Variants in UPK2 observed in about 807,000 individuals in gnomAD.
UPK2 encodes uroplakin-2.
A neutral mutation model predicts 14.8 loss-of-function variants in UPK2; 19 were observed. The ratio of observed to expected loss-of-function variants is 1.29; its 90% confidence interval spans 0.90 to 1.89. The LOEUF is 1.89. Among genes scored for constraint, UPK2 ranks in the 40% most tolerant of loss-of-function variants. UPK2 has a pLI of 0.00. For synonymous variants in UPK2, 102 were observed against 101.6 expected (o/e 1.00, Z -0.02); for missense variants, 232 against 236.0 (o/e 0.98, Z 0.11).
Position 118,957,001 on chromosome 11 carries a change from C to T in UPK2, c.195C>T (p.Ala65=). The change falls in exon 2 of 5, where the codon GCC becomes GCT. Residue 65 remains alanine, a synonymous_variant. Transcript: ENST00000264031. ...GGNATLMVRR[A]NDSKVVTSSF... ...ATGCCACACTGATGGTCCGGAGAGC[C>T]AATGACAGCAAAGGTCTGCTACCTT... The T allele has an allele frequency of 6.2e-7, 1 of 1,613,966 alleles. No homozygotes were observed. Among genetic ancestry groups the T allele is most frequent in the Admixed American group, 1.7e-5 (1 of 60,006 alleles).
In UPK2 at chr11:118,956,857, C is replaced by T. The variant is rs759381998; in HGVS notation, c.77-26C>T. 5.6e-6 allele frequency: 9 copies of T among 1,613,172 alleles called. No individual in the cohort carries two copies. The East Asian group carries it at 6.7e-5, about 12-fold the overall frequency. ...TTGGCCAGGAGGGGTCAGTCCCCAT[C>T]GGAGCTCCCTCCTGCCTCCCATCAG... On this transcript the variant is annotated intron_variant, in intron 1 of 4. Coordinates refer to ENST00000264031, the MANE Select transcript of UPK2 (RefSeq NM_006760.4). This position sits in a 1 kb window ranked among gnomAD's most constrained non-coding sequence, Gnocchi z 4.1.
Position 118,958,211 on chromosome 11 carries a change from T to C in UPK2, c.533T>C (p.Leu178Pro). ...CTGGTGCTGGGCTTCATCATTGCCC[T>C]GGCACTGGGCTCCCGCAAGTAAGGA... Reference protein sequence around the residue: ...FLLVLGFIIALALGSRK With the variant: ...FLLVLGFIIAPALGSRK The change falls in exon 5 of 5, where the codon CTG becomes CCG. Residue 178 changes from leucine to proline, a missense_variant. Leu to Pro is a moderately conservative substitution (Grantham distance 98). Transcript: ENST00000264031. The surrounding 1 kb of genome is among the most constrained non-coding windows in gnomAD (Gnocchi z 4.6). 6.2e-7 allele frequency: 1 copy of C among 1,613,752 alleles called. No individual in the cohort carries two copies. Among genetic ancestry groups the C allele is most frequent in the Admixed American group, 1.7e-5 (1 of 59,994 alleles).
Position 118,957,886 on chromosome 11 carries a change from G to A in UPK2, c.419-211G>A, listed in dbSNP as rs543161560. Among the ~76,000 whole-genome samples, 45 of 152,302 alleles carry A rather than the reference G, an allele frequency of 3.0e-4. 3 individuals carry two copies. The South Asian group carries it at 8.9e-3, about 30-fold the overall frequency. ...ACTGTGTCCTCTTAACTTTTCCTCAGCGGCTGACATAGGAGATGCTTCATA... is the reference window on the plus strand; with the variant it reads ...ACTGTGTCCTCTTAACTTTTCCTCAACGGCTGACATAGGAGATGCTTCATA... On this transcript the variant is annotated intron_variant, in intron 4 of 4. Coordinates refer to ENST00000264031, the MANE Select transcript of UPK2 (RefSeq NM_006760.4).
At position 118,958,095 on chromosome 11, in the gene UPK2, A is replaced by G; in HGVS notation, c.419-2A>G. The G allele has an allele frequency of 6.2e-7, 1 of 1,610,470 alleles. No individual in the cohort carries two copies. The highest frequency in any genetic ancestry group is 1.1e-5 in the South Asian group (1 of 90,918). On this transcript the variant is annotated splice_acceptor_variant, in intron 4 of 4. Transcript: ENST00000264031. LOFTEE classifies it high-confidence loss of function. The surrounding 1 kb of genome is among the most constrained non-coding windows in gnomAD (Gnocchi z 4.6). ...ACAGTGGTCTCCCCTCTCTTTTGAC[A>G]GGAAGGAACATGGAATCCATTGGGC... is the stretch of plus-strand genomic sequence containing the variant.
In UPK2 at chr11:118,956,981, A is replaced by G. The variant is rs1565640737; in HGVS notation, c.175A>G (p.Thr59Ala). Residue 59 changes from threonine to alanine, a missense_variant, in exon 2 of 5, where the codon ACA becomes GCA. Transcript: ENST00000264031. The surrounding 1 kb of genome is among the most constrained non-coding windows in gnomAD (Gnocchi z 4.1). ...CTGTCACCTCACAGGAGGCAATGCC[A>G]CACTGATGGTCCGGAGAGCCAATGA... ...PPCHLTGGNATLMVRRANDSK... is the reference protein window; with the variant it reads ...PPCHLTGGNAALMVRRANDSK... The G allele has an allele frequency of 8.1e-6, 13 of 1,614,106 alleles. No homozygotes were observed. Among genetic ancestry groups the G allele is most frequent in the Non-Finnish European group, 1.1e-5 (13 of 1,179,996 alleles).
At position 118,958,363 on chromosome 11, in the gene UPK2, C is replaced by G. The variant is rs1360706201; in HGVS notation, c.*130C>G. On this transcript the variant is annotated 3_prime_UTR_variant, in exon 5 of 5. Transcript: ENST00000264031. This position sits in a 1 kb window ranked among gnomAD's most constrained non-coding sequence, Gnocchi z 4.6. ...TCGCCTCCTCCTCCTGCCCTCCTCTCCCCTAGAGCCCTCTCCTCCCTCTGT... is the reference window on the plus strand; with the variant it reads ...TCGCCTCCTCCTCCTGCCCTCCTCTGCCCTAGAGCCCTCTCCTCCCTCTGT... The G allele has an allele frequency of 3.8e-6, 4 of 1,048,016 alleles. No individual in the cohort carries two copies. In the Admixed American group the frequency reaches 1.1e-4, roughly 29 times the overall value. The allele number at this position is 1,048,016 out of a possible 1,614,324, so 64.9% of individuals were successfully genotyped here.
At position 118,956,859 on chromosome 11, in the gene UPK2, G is replaced by A; in HGVS notation, c.77-24G>A. On this transcript the variant is annotated intron_variant, in intron 1 of 4. Transcript: ENST00000264031. This position sits in a 1 kb window ranked among gnomAD's most constrained non-coding sequence, Gnocchi z 4.1. Reference sequence around the variant, plus strand: ...GGCCAGGAGGGGTCAGTCCCCATCGGAGCTCCCTCCTGCCTCCCATCAGAC... The same window carrying A: ...GGCCAGGAGGGGTCAGTCCCCATCGAAGCTCCCTCCTGCCTCCCATCAGAC... The A allele has an allele frequency of 6.2e-7, 1 of 1,613,480 alleles. No homozygotes were observed. Among genetic ancestry groups the A allele is most frequent in the Non-Finnish European group, 8.5e-7 (1 of 1,179,786 alleles).
intron 4 of UPK2, 100 bp downstream of exon 4, chr11:118,957,768 G>T: frequency 7.0e-7 from 1 of 1,438,364 alleles, no homozygotes; most frequent in Non-Finnish European, 9.6e-7. Flanking sequence ...GTGCCTCCCC[G>T]TGCGCCCTCG....
rs527578418 is a variant in UPK2 at position 118,957,459 on chromosome 11, G to A, written c.347+113G>A. The A allele has an allele frequency of 9.5e-5, 148 of 1,551,738 alleles. 1 individual carries two copies. Among genetic ancestry groups the A allele is most frequent in the Non-Finnish European group, 1.2e-4 (141 of 1,133,862 alleles). On this transcript the variant is annotated intron_variant, in intron 3 of 4. Coordinates refer to ENST00000264031, the MANE Select transcript of UPK2 (RefSeq NM_006760.4). ...GGAGAGGGTGAGGGCACAGCAAAAG[G>A]GGGTGAAAGCTGGGCCTCTTGGAGG...
chr11:118,957,120 TG>T, intron 2 of UPK2, 87 bp from the exon 3 acceptor site: 1 of 1,607,442 alleles, frequency 6.2e-7, no homozygotes, highest in Non-Finnish European at 8.5e-7. Flanking sequence ...ACCCGTCTCC[TG>T]GGGTACCCAC....
chr11:118,957,561 C>T (rs1440958954), intron 3 of UPK2, 37 bp from the exon 4 acceptor site: 2 of 1,611,248 alleles, frequency 1.2e-6, no homozygotes, highest in Non-Finnish European at 1.7e-6. Context: ...TCCCAATACT[C>T]ACTGAGGGTT....
Position 118,956,505 on chromosome 11 carries a change from A to G in UPK2, c.76+79A>G. ...GCACTGTACCTTCCAGGGCTCTCAA[A>G]GAGAGGTCTGGACAGTTGGGAGTCA... On this transcript the variant is annotated intron_variant, in intron 1 of 4. Coordinates refer to ENST00000264031, the MANE Select transcript of UPK2 (RefSeq NM_006760.4). The surrounding 1 kb of genome is among the most constrained non-coding windows in gnomAD (Gnocchi z 4.1). The G allele has an allele frequency of 7.7e-7, 1 of 1,297,956 alleles. No homozygotes were observed. The highest frequency in any genetic ancestry group is 1.1e-6 in the Non-Finnish European group (1 of 924,370). The allele number at this position is 1,297,956 out of a possible 1,614,324, so 80.4% of individuals were successfully genotyped here. A position where few individuals can be genotyped will look rare whatever the true frequency, so the allele number is the denominator to read the frequency against.
chr11:118,957,497 G>A (rs1437334406), intron 3 of UPK2, 101 bp from the exon 4 acceptor site: 1 of 1,549,636 alleles, frequency 6.5e-7, no homozygotes, highest in East Asian at 2.2e-5. Flanking sequence ...TGCACATAGG[G>A]GAGACACAGC....
rs781404737 is a variant in UPK2 at position 118,958,141 on chromosome 11, G to T, written c.463G>T (p.Gly155Cys). ...TGGGCTGGGTATGGCCCGCACAGGG[G>T]GCATGGTGGTCATCACGGTGCTGCT... ...SIGLGMARTG[G>C]MVVITVLLSV... Residue 155 changes from glycine (G) to cysteine (C), a missense_variant, in exon 5 of 5, where the codon GGC becomes TGC. Gly to Cys is a radical substitution (Grantham distance 159). Transcript: ENST00000264031. This position sits in a 1 kb window ranked among gnomAD's most constrained non-coding sequence, Gnocchi z 4.6. 6.2e-7 allele frequency: 1 copy of T among 1,614,058 alleles called. No homozygotes were observed.
At chr11:118,957,046 G>C (rs1338984118) in intron 2 of UPK2, 32 bp downstream of exon 2, 3 of 1,612,938 alleles carry the variant, frequency 1.9e-6, no homozygotes, top group South Asian at 2.2e-5. Context: ...CATCCCTCTA[G>C]TCCCCAAAGA....
intron 2 of UPK2, 75 bp from the exon 3 acceptor site, chr11:118,957,133 C>A: frequency 6.2e-7 from 1 of 1,610,658 alleles, no homozygotes; most frequent in Non-Finnish European, 8.5e-7. Context: ...GGTACCCACA[C>A]TCTAAAAGCT....
In UPK2 at chr11:118,956,758, A is replaced by G; in HGVS notation, c.77-125A>G. The G allele has an allele frequency of 7.5e-7, 1 of 1,325,064 alleles. No individual in the cohort carries two copies. The highest frequency in any genetic ancestry group is 1.0e-6 in the Non-Finnish European group (1 of 963,022). The allele number at this position is 1,325,064 out of a possible 1,614,324, so 82.1% of individuals were successfully genotyped here. A position where few individuals can be genotyped will look rare whatever the true frequency, so the allele number is the denominator to read the frequency against. ...CCTGCCACCTGGTGGTCATACTGGC[A>G]CAGGCCTGGCTGTTCTGCCCAGGGT... On this transcript the variant is annotated intron_variant, in intron 1 of 4. Transcript: ENST00000264031. This position sits in a 1 kb window ranked among gnomAD's most constrained non-coding sequence, Gnocchi z 4.1.
Position 118,958,292 on chromosome 11 carries a change from A to C in UPK2, c.*59A>C. On this transcript the variant is annotated 3_prime_UTR_variant, in exon 5 of 5. Coordinates refer to ENST00000264031, the MANE Select transcript of UPK2 (RefSeq NM_006760.4). This position sits in a 1 kb window ranked among gnomAD's most constrained non-coding sequence, Gnocchi z 4.6. ...AGCCCAGGGCACCATCCAGCTCCCC[A>C]GCCCACCTGCTCCCAGGCCCCAGGC... 1 of 1,536,578 alleles carries C rather than the reference A, an allele frequency of 6.5e-7. No homozygotes were observed. The highest frequency in any genetic ancestry group is 8.7e-7 in the Non-Finnish European group (1 of 1,143,628).
In UPK2 at chr11:118,957,067, C is replaced by T. The variant is rs143326552; in HGVS notation, c.208+53C>T. 1,212 of 1,610,126 alleles carry T rather than the reference C, an allele frequency of 7.5e-4. 6 individuals carry two copies. In the African/African-American group the frequency reaches 0.015, roughly 20 times the overall value. ...TCTAGTCCCCAAAGACCCCTTCCTG[C>T]GACACCCTCTGCACCCTTTTCCCCA... On this transcript the variant is annotated intron_variant, in intron 2 of 4. Coordinates refer to ENST00000264031, the MANE Select transcript of UPK2 (RefSeq NM_006760.4).
Sources: gnomAD v4.1 joint callset for allele counts (sites outside exome capture counted in the v4.1 genomes callset) on GRCh38, gnomAD v4.1.1 for gene constraint, Gnocchi (gnomAD v3.1) non-coding constraint, MANE v1.5 for transcripts, NCBI Gene and HGNC (gene_info 2026-07-23, HGNC 2026-07-21) for gene names.